MAPK10: variants seen among roughly 807,000 people sequenced by gnomAD.
The protein encoded by MAPK10 is JNK3 alpha protein kinase.
MAPK10 carries 25 observed loss-of-function variants against 59.3 expected under a neutral mutation model. The ratio of observed to expected loss-of-function variants is 0.42; its 90% confidence interval spans 0.31 to 0.59. MAPK10 has a LOEUF of 0.59. Among genes scored for constraint, MAPK10 ranks in the 20% least tolerant of loss-of-function variants. MAPK10 has a pLI of 0.15. For missense variants in MAPK10, 351 were observed against 568.9 expected (o/e 0.62, Z 3.90); for synonymous variants, 190 against 200.5 (o/e 0.95, Z 0.44).
chr4:86,127,865 CATTGATCACTATCAATGTG>C (rs1330226379), intron 4 of MAPK10, among the ~76,000 whole-genome samples: 1 of 152,040 alleles, frequency 6.6e-6, no homozygotes, highest in Non-Finnish European at 1.5e-5. Flanking sequence ...CTTACCCTCA[CATTGATCACTATCAATGTG>C]AAACTTAGGG....
chr4:86,506,838 G>A (rs976334233), intron 1 of MAPK10, among the ~76,000 whole-genome samples: 1 of 152,088 alleles, frequency 6.6e-6, no homozygotes, highest in Non-Finnish European at 1.5e-5. Flanking sequence ...TCCAGCAGAG[G>A]AGAAAGCTGT....
intron 9 of MAPK10, among the ~76,000 whole-genome samples, chr4:86,092,738 A>G (rs969877640): frequency 1.3e-5 from 2 of 152,072 alleles, no homozygotes; most frequent in African/African-American, 4.8e-5. Flanking sequence ...AAATTCAATC[A>G]CTGTTGGAAA....
intron 2 of MAPK10, among the ~76,000 whole-genome samples, chr4:86,294,960 C>T (rs1272868624): frequency 6.6e-6 from 1 of 152,010 alleles, no homozygotes; most frequent in Non-Finnish European, 1.5e-5. Context: ...TGTCATCTCA[C>T]CAGCCAAAAC....
intron 4 of MAPK10, chr4:86,125,193 A>G (rs1360156883): frequency 1.3e-5 from 2 of 151,872 alleles, no homozygotes; most frequent in Non-Finnish European, 2.9e-5. Flanking sequence ...AAATTTATTA[A>G]CCATAACAAG....
intron 1 of MAPK10, among the ~76,000 whole-genome samples, chr4:86,433,615 G>C (rs532083010): frequency 8.0e-4 from 115 of 144,128 alleles, no homozygotes; most frequent in African/African-American, 2.8e-3. Flanking sequence ...TGTTGCCCAG[G>C]CTGGTCTCAA....
intron 9 of MAPK10, among the ~76,000 whole-genome samples, chr4:86,097,201 A>T (rs1318095034): frequency 6.6e-6 from 1 of 152,014 alleles, no homozygotes; most frequent in African/African-American, 2.4e-5. Context: ...AATTTAGACT[A>T]TAATTTCAAG....
chr4:86,512,853 T>C (rs535582013), intron 1 of MAPK10, among the ~76,000 whole-genome samples: 4 of 152,296 alleles, frequency 2.6e-5, no homozygotes, highest in African/African-American at 9.6e-5. Context: ...GCCAGGGACA[T>C]TGAAACTGCA....
intron 1 of MAPK10, among the ~76,000 whole-genome samples, chr4:86,380,068 C>T (rs1402694310): frequency 6.6e-6 from 1 of 151,888 alleles, no homozygotes; most frequent in Non-Finnish European, 1.5e-5. Context: ...GAAACCCCCT[C>T]TAAAAAAATT....
At chr4:86,076,259 C>G (rs987372588) in intron 9 of MAPK10, among the ~76,000 whole-genome samples, 1 of 152,134 alleles carries the variant, frequency 6.6e-6, no homozygotes, top group Non-Finnish European at 1.5e-5. Flanking sequence ...GGCTCGCGCA[C>G]GGTGCGCGCA....
intron 2 of MAPK10, among the ~76,000 whole-genome samples, chr4:86,246,042 T>C (rs960082050): frequency 5.9e-5 from 9 of 152,252 alleles, no homozygotes; most frequent in African/African-American, 2.2e-4. Flanking sequence ...CATGTTTTTC[T>C]ATGCTATTAT....
Position 86,451,881 on chromosome 4 carries a change from C to G in MAPK10, c.-122+1149G>C, listed in dbSNP as rs550773041. 2.6e-5 allele frequency among the ~76,000 whole-genome samples: 4 copies of G among 152,248 alleles called. No homozygotes were observed. In the South Asian group the frequency reaches 8.3e-4, roughly 32 times the overall value. Reference sequence around the variant, plus strand: ...GACAAAAAAAGACACCAGATACCAGCTCGGGGGATGACAGCTCATCTGGGG... The same window carrying G: ...GACAAAAAAAGACACCAGATACCAGGTCGGGGGATGACAGCTCATCTGGGG... On this transcript the variant is annotated intron_variant, in intron 1 of 13. Coordinates refer to the MAPK10 transcript ENST00000361569.
At chr4:86,425,828 G>A (rs762004699) in intron 1 of MAPK10, among the ~76,000 whole-genome samples, 1 of 152,134 alleles carries the variant, frequency 6.6e-6, no homozygotes, top group Non-Finnish European at 1.5e-5. Flanking sequence ...AAAATTAGCT[G>A]GGCATGGTGG....
chr4:86,568,268 C>T (rs974684560), intron 1 of MAPK10, among the ~76,000 whole-genome samples: 4 of 152,032 alleles, frequency 2.6e-5, no homozygotes, highest in African/African-American at 4.8e-5. Context: ...AGAAAAACTA[C>T]AAAACACTGC....
At chr4:86,153,986 A>G (rs1045277509) in intron 4 of MAPK10, among the ~76,000 whole-genome samples, 1 of 152,168 alleles carries the variant, frequency 6.6e-6, no homozygotes, top group African/African-American at 2.4e-5. Context: ...GAGGATAATC[A>G]TTTCCACTGG....
intron 11 of MAPK10, among the ~76,000 whole-genome samples, chr4:86,043,022 G>A (rs1179573117): frequency 1.3e-5 from 2 of 152,096 alleles, no homozygotes; most frequent in Non-Finnish European, 2.9e-5. Context: ...TTGGTGTAGA[G>A]AGGAGATATG....
intron 1 of MAPK10, among the ~76,000 whole-genome samples, chr4:86,396,284 T>C (rs1340392318): frequency 1.3e-5 from 2 of 152,126 alleles, no homozygotes; most frequent in Non-Finnish European, 2.9e-5. Context: ...GAGGCGGAGC[T>C]TGCAGTGAGC....
chr4:86,548,456 T>C (rs1306558099), intron 1 of MAPK10, among the ~76,000 whole-genome samples: 1 of 152,152 alleles, frequency 6.6e-6, no homozygotes, highest in Non-Finnish European at 1.5e-5. Flanking sequence ...AGTAGATAAC[T>C]GCTATGGTTT....
At position 86,276,651 on chromosome 4, in the gene MAPK10, C is replaced by T. The variant is rs72865380; in HGVS notation, c.-7+77879G>A. 1.0e-2 allele frequency among the ~76,000 whole-genome samples: 1,520 copies of T among 152,272 alleles called. 18 individuals are homozygous for T. Among genetic ancestry groups the T allele is most frequent in the African/African-American group, 0.033 (1,382 of 41,562 alleles). The stretch of plus-strand genomic sequence containing the variant: ...CACGTTAATCATTAATTATCAGTAT[C>T]TCCTCTGCATGGCTAAAGATAACAT... On this transcript the variant is annotated intron_variant, in intron 2 of 13. Coordinates refer to ENST00000641462, the MANE Select transcript of MAPK10 (RefSeq NM_138982.4).
At chr4:86,563,163 AG>A (rs1760806768) in intron 1 of MAPK10, among the ~76,000 whole-genome samples, 1 of 152,240 alleles carries the variant, frequency 6.6e-6, no homozygotes, top group South Asian at 2.1e-4. Context: ...GCATGAGAAG[AG>A]AGCAAATATG....
Sources: gnomAD v4.1 joint callset for allele counts (sites outside exome capture counted in the v4.1 genomes callset) on GRCh38, gnomAD v4.1.1 for gene constraint, MANE v1.5 for transcripts, NCBI Gene and HGNC (gene_info 2026-07-23, HGNC 2026-07-21) for gene names.